The following FYB1 variants were observed in gnomAD, a reference collection of about 807,000 sequenced individuals.
The protein encoded by FYB1 is FYN binding protein 1.
Under a neutral mutation model 94.1 loss-of-function variants are expected in FYB1, and 41 were observed. The ratio of observed to expected loss-of-function variants is 0.44; its 90% CI spans 0.34 to 0.57. FYB1 has a LOEUF of 0.57. Among genes scored for constraint, FYB1 ranks in the 20% least tolerant of loss-of-function variants. The pLI, the probability that FYB1 is intolerant of heterozygous loss-of-function variation, is 0.02. For missense variants in FYB1, 1,050 were observed against 976.8 expected, an observed-to-expected ratio of 1.07 and a Z score of -1.00; for synonymous variants, 367 against 353.2, an observed-to-expected ratio of 1.04 and a Z score of -0.44.
chr5:39,211,131 A>C (rs1749333075), intron 1 of FYB1: 4 of 152,204 alleles, frequency 2.6e-5, no homozygotes, highest in African/African-American at 9.6e-5. Context: ...TCAGGAATTT[A>C]CATTTTGACT....
intron 16 of FYB1, among the ~76,000 whole-genome samples, chr5:39,115,509 T>C (rs968415364): frequency 3.3e-5 from 5 of 152,184 alleles, no homozygotes; most frequent in African/African-American, 4.8e-5. Flanking sequence ...AAGAGTTTTA[T>C]GTGCTCGCCT....
intron 1 of FYB1, among the ~76,000 whole-genome samples, chr5:39,246,397 T>A (rs1024151449): frequency 6.6e-6 from 1 of 152,224 alleles, no homozygotes; most frequent in African/African-American, 2.4e-5. Flanking sequence ...ATGGTGTCAA[T>A]TCAGCTTGGA....
At chr5:39,214,818 A>G (rs1192893872) in intron 1 of FYB1, among the ~76,000 whole-genome samples, 1 of 152,180 alleles carries the variant, frequency 6.6e-6, no homozygotes, top group African/African-American at 2.4e-5. Flanking sequence ...ATCCCAGGTT[A>G]CTTGGGAGGC....
At chr5:39,166,457 T>C (rs1021066344) in intron 2 of FYB1, among the ~76,000 whole-genome samples, 1 of 147,730 alleles carries the variant, frequency 6.8e-6, no homozygotes, top group Non-Finnish European at 1.5e-5. Context: ...AAAAAAGAAA[T>C]AAAGATATCA....
At chr5:39,216,046 C>T (rs1369367900) in intron 1 of FYB1, among the ~76,000 whole-genome samples, 2 of 152,054 alleles carry the variant, frequency 1.3e-5, no homozygotes, top group African/African-American at 2.4e-5. Flanking sequence ...CTGGAACCAC[C>T]AGAAGCTGGA....
chr5:39,155,328 C>T (rs909573419), intron 2 of FYB1, among the ~76,000 whole-genome samples: 7 of 152,222 alleles, frequency 4.6e-5, no homozygotes, highest in African/African-American at 1.7e-4. Flanking sequence ...TGCTCAGGCC[C>T]TGCACTGCAG....
chr5:39,128,249 AAG>A (rs1740868107), intron 10 of FYB1, among the ~76,000 whole-genome samples: 1 of 152,178 alleles, frequency 6.6e-6, no homozygotes, highest in Non-Finnish European at 1.5e-5. Context: ...TTGAAACAGA[AAG>A]AAGTGAAAAG....
At chr5:39,155,874 A>G (rs1421575545) in intron 2 of FYB1, among the ~76,000 whole-genome samples, 1 of 152,146 alleles carries the variant, frequency 6.6e-6, no homozygotes, top group South Asian at 2.1e-4. Context: ...TTTATCATAG[A>G]ATAAACATTA....
At chr5:39,230,049 A>G (rs1364017543) in intron 1 of FYB1, among the ~76,000 whole-genome samples, 1 of 152,172 alleles carries the variant, frequency 6.6e-6, no homozygotes, top group African/African-American at 2.4e-5. Context: ...AACTCTTCCT[A>G]TAGTGAGGTA....
At chr5:39,129,680 T>C (rs937232171) in intron 10 of FYB1, among the ~76,000 whole-genome samples, 1 of 152,006 alleles carries the variant, frequency 6.6e-6, no homozygotes, top group African/African-American at 2.4e-5. Flanking sequence ...GAAGAAGACA[T>C]ACAAATGGCC....
chr5:39,239,860 T>C (rs12652787), intron 1 of FYB1, among the ~76,000 whole-genome samples: 13,717 of 152,256 alleles, frequency 0.09, 710 homozygotes, highest in Non-Finnish European at 0.11. Context: ...CAAAGCAATC[T>C]TAAGCATAAA....
chr5:39,227,883 T>C (rs778141388), intron 1 of FYB1, among the ~76,000 whole-genome samples: 12 of 152,310 alleles, frequency 7.9e-5, no homozygotes, highest in African/African-American at 4.8e-5. Flanking sequence ...TATAGAATTG[T>C]TTTTCTTGAA....
At chr5:39,146,389 A>G (rs1005526453) in intron 3 of FYB1, among the ~76,000 whole-genome samples, 1 of 152,164 alleles carries the variant, frequency 6.6e-6, no homozygotes, top group African/African-American at 2.4e-5. Flanking sequence ...TCTTTTCACT[A>G]CCAGGCCATA....
intron 1 of FYB1, among the ~76,000 whole-genome samples, chr5:39,257,506 T>G (rs995563088): frequency 1.3e-5 from 2 of 151,994 alleles, no homozygotes; most frequent in Non-Finnish European, 2.9e-5. Context: ...ATGCTGAAGA[T>G]ATTCACACAT....
chr5:39,246,449 G>A (rs1751481971), intron 1 of FYB1, among the ~76,000 whole-genome samples: 1 of 152,098 alleles, frequency 6.6e-6, no homozygotes, highest in African/African-American at 2.4e-5. Flanking sequence ...AGGATAATTT[G>A]GCATGATTAG....
intron 1 of FYB1, among the ~76,000 whole-genome samples, chr5:39,251,482 C>T (rs1487285975): frequency 1.3e-5 from 2 of 152,094 alleles, no homozygotes; most frequent in African/African-American, 4.8e-5. Context: ...GCTCTCTACT[C>T]CCTGGCCAGA....
At chr5:39,258,085 A>G (rs1358137730) in intron 1 of FYB1, among the ~76,000 whole-genome samples, 2 of 152,174 alleles carry the variant, frequency 1.3e-5, no homozygotes, top group Non-Finnish European at 2.9e-5. Context: ...AAGAAGTTCT[A>G]TTAAGTTCCC....
chr5:39,132,723 T>C (rs1296202445), intron 9 of FYB1, among the ~76,000 whole-genome samples: 2 of 152,212 alleles, frequency 1.3e-5, no homozygotes, highest in African/African-American at 4.8e-5. Context: ...TTCTTGAGTA[T>C]GCACATCCAT....
chr5:39,127,568 T>C (rs1451217865), intron 11 of FYB1, among the ~76,000 whole-genome samples, 173 bp downstream of exon 11: 1 of 152,080 alleles, frequency 6.6e-6, no homozygotes, highest in East Asian at 1.9e-4. Flanking sequence ...TCGTTTGAAG[T>C]GTGGTGAAAT....
Sources: allele counts gnomAD v4.1 joint callset (sites outside exome capture counted in the v4.1 genomes callset), GRCh38; gene constraint gnomAD v4.1.1; transcripts MANE v1.5; gene names NCBI Gene and HGNC (gene_info 2026-07-23, HGNC 2026-07-21).